RANBP17: variants seen among roughly 807,000 people sequenced by gnomAD.
RANBP17 encodes RAN binding protein 17.
RANBP17 carries 158 observed loss-of-function variants against 141.2 expected under a neutral mutation model. That is an observed-to-expected ratio of 1.12 (90% CI 0.98 to 1.28). The LOEUF is 1.28. RANBP17 is among the 50% of genes most tolerant of loss of function. The pLI is 0.00. For synonymous variants in RANBP17, 430 were observed against 450.0 expected (o/e 0.96, Z 0.56); for missense variants, 1,438 against 1,290.7 (o/e 1.11, Z -1.75).
At chr5:171,086,827 T>G (rs1342386491) in intron 14 of RANBP17, among the ~76,000 whole-genome samples, 44 of 147,974 alleles carry the variant, frequency 3.0e-4, no homozygotes, top group African/African-American at 1.0e-3. Flanking sequence ...TATCATTTTT[T>G]ATTGTGTCTA....
At chr5:171,279,697 AGGCCAACAC>A (rs542265633) in intron 25 of RANBP17, among the ~76,000 whole-genome samples, 83 of 152,304 alleles carry the variant, frequency 5.4e-4, no homozygotes, top group African/African-American at 1.9e-3. Context: ...CAGGGAGATA[AGGCCAACAC>A]GGATTTTTTT....
chr5:171,178,716 A>G (rs1760685366), intron 16 of RANBP17, among the ~76,000 whole-genome samples: 1 of 152,154 alleles, frequency 6.6e-6, no homozygotes, highest in Non-Finnish European at 1.5e-5. Flanking sequence ...CACCATTCTA[A>G]CTGGCATGAG....
intron 14 of RANBP17, among the ~76,000 whole-genome samples, chr5:171,107,619 A>G (rs1372827877): frequency 6.6e-6 from 1 of 152,182 alleles, no homozygotes; most frequent in African/African-American, 2.4e-5. Context: ...ACAAATGAGA[A>G]CACCCATCAT....
intron 20 of RANBP17, among the ~76,000 whole-genome samples, chr5:171,211,798 T>C (rs1407201599): frequency 6.6e-6 from 1 of 152,144 alleles, no homozygotes; most frequent in Non-Finnish European, 1.5e-5. Context: ...TTTTGCACTT[T>C]TAGGAAGCAT....
intron 2 of RANBP17, 39 bp from the exon 3 acceptor site, chr5:170,881,767 T>A (rs1768716102): frequency 9.5e-6 from 13 of 1,362,556 alleles, no homozygotes; most frequent in Non-Finnish European, 1.3e-5. Flanking sequence ...TTATTTTAAT[T>A]TCATTTATGA....
At chr5:171,003,821 A>G (rs1249540210) in intron 14 of RANBP17, among the ~76,000 whole-genome samples, 1 of 152,126 alleles carries the variant, frequency 6.6e-6, no homozygotes, top group Non-Finnish European at 1.5e-5. Flanking sequence ...GGCCAGGTAA[A>G]AGCAAAGAGA....
chr5:171,237,244 G>A (rs981395892), intron 22 of RANBP17, among the ~76,000 whole-genome samples: 2 of 152,114 alleles, frequency 1.3e-5, no homozygotes, highest in Non-Finnish European at 2.9e-5. Context: ...GAGTGGAGGT[G>A]AAGAAGGAGA....
intron 14 of RANBP17, among the ~76,000 whole-genome samples, chr5:171,040,122 A>C (rs80332025): frequency 0.029 from 4,402 of 152,218 alleles, 184 homozygotes; most frequent in African/African-American, 0.093. Flanking sequence ...AAATCCCCCC[A>C]AAAATACTAG....
intron 14 of RANBP17, among the ~76,000 whole-genome samples, chr5:170,999,477 G>A (rs1020555862): frequency 6.6e-6 from 1 of 152,044 alleles, no homozygotes; most frequent in Admixed American, 6.6e-5. Flanking sequence ...TTGTGAAGCT[G>A]TACCTATAAT....
intron 14 of RANBP17, among the ~76,000 whole-genome samples, chr5:171,101,871 A>G (rs575793299): frequency 4.6e-5 from 7 of 152,218 alleles, no homozygotes; most frequent in Non-Finnish European, 8.8e-5. Flanking sequence ...TTGGCTGGAT[A>G]TGAAATTCTG....
chr5:170,939,305 G>T (rs552118019), intron 12 of RANBP17, among the ~76,000 whole-genome samples: 1 of 151,948 alleles, frequency 6.6e-6, no homozygotes. Context: ...GAAGGGGCAT[G>T]GTCCCAGAAG....
At chr5:171,239,830 A>G (rs1764754159) in intron 22 of RANBP17, among the ~76,000 whole-genome samples, 1 of 152,202 alleles carries the variant, frequency 6.6e-6, no homozygotes, top group African/African-American at 2.4e-5. Context: ...AAACAGGACA[A>G]GGAAGAACAA....
chr5:170,921,970 T>C (rs1317457818), intron 11 of RANBP17, among the ~76,000 whole-genome samples: 1 of 152,228 alleles, frequency 6.6e-6, no homozygotes, highest in African/African-American at 2.4e-5. Context: ...TATGGTTTTA[T>C]CTACCTTTGG....
chr5:170,915,444 GC>G (rs1771871987), intron 8 of RANBP17, among the ~76,000 whole-genome samples: 1 of 151,918 alleles, frequency 6.6e-6, no homozygotes, highest in African/African-American at 2.4e-5. Context: ...GGTCTTTTTT[GC>G]CCCCAACCCC....
intron 12 of RANBP17, among the ~76,000 whole-genome samples, chr5:170,926,601 G>C (rs1772940822): frequency 6.6e-6 from 1 of 151,956 alleles, no homozygotes; most frequent in South Asian, 2.1e-4. Flanking sequence ...CCTGTCTGCT[G>C]CATATCATTT....
At chr5:170,969,826 C>A (rs1776858852) in intron 14 of RANBP17, among the ~76,000 whole-genome samples, 1 of 152,024 alleles carries the variant, frequency 6.6e-6, no homozygotes, top group South Asian at 2.1e-4. Context: ...AAAGTAAACA[C>A]ATCACCAGAA....
intron 14 of RANBP17, among the ~76,000 whole-genome samples, chr5:171,090,073 G>C (rs554186643): frequency 6.8e-4 from 104 of 152,328 alleles, no homozygotes; most frequent in Non-Finnish European, 1.2e-3. Context: ...AAATATGGAA[G>C]CAACTTTGCA....
intron 1 of RANBP17, among the ~76,000 whole-genome samples, chr5:170,870,550 C>T (rs10475553): frequency 0.6 from 91,340 of 152,026 alleles, 29,203 homozygotes; most frequent in South Asian, 0.9. Context: ...GACATGATCT[C>T]ATTCCTTTTT....
chr5:171,024,626 C>T (rs1781112135), intron 14 of RANBP17, among the ~76,000 whole-genome samples: 1 of 152,192 alleles, frequency 6.6e-6, no homozygotes, highest in Non-Finnish European at 1.5e-5. Context: ...CTTACTCCTT[C>T]TAGAAATCGT....
Sources: gnomAD v4.1 joint callset for allele counts (sites outside exome capture counted in the v4.1 genomes callset) on GRCh38, gnomAD v4.1.1 for gene constraint, MANE v1.5 for transcripts, NCBI Gene and HGNC (gene_info 2026-07-23, HGNC 2026-07-21) for gene names.